TTC27: variants seen among roughly 807,000 people sequenced by gnomAD.
TTC27 encodes the protein tetratricopeptide repeat domain 27, also known as tetratricopeptide repeat protein 27.
TTC27 carries 79 observed loss-of-function variants against 115.9 expected under a neutral mutation model. The ratio of observed to expected loss-of-function variants is 0.68; its 90% CI spans 0.57 to 0.82. The LOEUF (loss-of-function observed/expected upper bound fraction) is 0.82. Among genes scored for constraint, TTC27 ranks in the 40% least tolerant of loss-of-function variants. The pLI is 0.00. For missense variants in TTC27, 1,054 were observed against 993.1 expected (o/e 1.06, Z -0.82); for synonymous variants, 401 against 356.0 (o/e 1.13, Z -1.42).
intron 1 of TTC27, among the ~76,000 whole-genome samples, chr2:32,628,773 A>G (rs1049827855): frequency 6.9e-6 from 1 of 143,950 alleles, no homozygotes; most frequent in Non-Finnish European, 1.5e-5. Context: ...TTATTTATTT[A>G]TTTATTGAGA....
chr2:32,730,401 C>G (rs1668253148), intron 10 of TTC27, among the ~76,000 whole-genome samples: 1 of 152,118 alleles, frequency 6.6e-6, no homozygotes, highest in Admixed American at 6.5e-5. Flanking sequence ...CACTGATTTT[C>G]TTCCATTTAT....
chr2:32,750,605 C>G (rs1482021749), intron 12 of TTC27, among the ~76,000 whole-genome samples: 1 of 152,178 alleles, frequency 6.6e-6, no homozygotes, highest in African/African-American at 2.4e-5. Context: ...TAGCAACGTA[C>G]TAGCAGGTAC....
At chr2:32,674,528 G>GT (rs1323252201) in intron 8 of TTC27, among the ~76,000 whole-genome samples, 1 of 152,134 alleles carries the variant, frequency 6.6e-6, no homozygotes, top group Non-Finnish European at 1.5e-5. Context: ...ATATGCAATA[G>GT]TAAGTTTTCT....
intron 7 of TTC27, among the ~76,000 whole-genome samples, chr2:32,669,527 C>G (rs1235944885): frequency 6.6e-6 from 1 of 152,032 alleles, no homozygotes; most frequent in Non-Finnish European, 1.5e-5. Context: ...AACCATTTTT[C>G]AGGAAAAGGA....
chr2:32,653,773 C>T (rs933736914), intron 5 of TTC27, among the ~76,000 whole-genome samples: 3 of 152,058 alleles, frequency 2.0e-5, no homozygotes, highest in Non-Finnish European at 2.9e-5. Flanking sequence ...TAAATAATCT[C>T]GTGAGAAGAG....
At position 32,641,747 on chromosome 2, in the gene TTC27, C is replaced by T. The variant is rs536017660; in HGVS notation, c.537+1337C>T. 7.3e-5 allele frequency among the ~76,000 whole-genome samples: 11 copies of T among 151,522 alleles called. No homozygotes were observed. The South Asian group carries it at 8.3e-4, about 11-fold the overall frequency. On this transcript the variant is annotated intron_variant, in intron 4 of 19. Coordinates refer to ENST00000317907, the MANE Select transcript of TTC27 (RefSeq NM_017735.5). ...AGGCTGGAGTGCAATGGCGCGATCT[C>T]GGCTCACCACAACCTCCACCTCCTG...
chr2:32,801,907 C>G (rs533328259), intron 16 of TTC27, among the ~76,000 whole-genome samples: 1 of 152,290 alleles, frequency 6.6e-6, no homozygotes, highest in South Asian at 2.1e-4. Context: ...GAGACAAAAA[C>G]TTAGTCATAT....
intron 9 of TTC27, among the ~76,000 whole-genome samples, chr2:32,698,492 T>A (rs1667071101): frequency 6.8e-6 from 1 of 146,098 alleles, no homozygotes; most frequent in African/African-American, 2.5e-5. Context: ...CTTTTTTTTT[T>A]TTTTTGAGAT....
chr2:32,819,838 CT>C (rs1251803992), intron 19 of TTC27, among the ~76,000 whole-genome samples: 1 of 152,182 alleles, frequency 6.6e-6, no homozygotes, highest in Non-Finnish European at 1.5e-5. Context: ...AAATTATTCA[CT>C]TTTTTCTAAG....
intron 10 of TTC27, among the ~76,000 whole-genome samples, chr2:32,706,457 T>G (rs757409763): frequency 5.3e-5 from 8 of 152,136 alleles, no homozygotes; most frequent in Non-Finnish European, 1.0e-4. Flanking sequence ...TATTTGTTGC[T>G]GTATTAAAAA....
intron 9 of TTC27, among the ~76,000 whole-genome samples, chr2:32,696,595 A>G (rs540902462): frequency 6.6e-6 from 1 of 152,252 alleles, no homozygotes; most frequent in South Asian, 2.1e-4. Flanking sequence ...CGCCCAGCCT[A>G]TACCACATTT....
chr2:32,760,847 A>T (rs1366717475), intron 13 of TTC27, among the ~76,000 whole-genome samples: 2 of 152,158 alleles, frequency 1.3e-5, no homozygotes, highest in Admixed American at 1.3e-4. Context: ...TTCTCAACAC[A>T]TCAGCATTAT....
intron 13 of TTC27, among the ~76,000 whole-genome samples, chr2:32,764,637 T>C (rs1308172679): frequency 1.3e-5 from 2 of 152,204 alleles, no homozygotes; most frequent in East Asian, 3.8e-4. Flanking sequence ...CTTCCTTTCA[T>C]GCCAGATTTC....
intron 18 of TTC27, among the ~76,000 whole-genome samples, chr2:32,815,686 C>G (rs1426752237): frequency 2.6e-5 from 4 of 152,106 alleles, no homozygotes; most frequent in Non-Finnish European, 4.4e-5. Context: ...AAAAGAAATA[C>G]AGCAGTTTCT....
chr2:32,782,304 C>CT (rs1000319365), intron 14 of TTC27, among the ~76,000 whole-genome samples: 3 of 151,956 alleles, frequency 2.0e-5, no homozygotes, highest in Admixed American at 2.0e-4. Context: ...ACTGCATTGC[C>CT]TTTTTTGTAA....
Position 32,646,958 on chromosome 2 carries a change from G to GT in TTC27, c.538-3164dup, listed in dbSNP as rs1220552424. Among the ~76,000 whole-genome samples, 276 of 147,342 alleles carry GT rather than the reference G, an allele frequency of 1.9e-3. 1 individual carries two copies. The highest frequency in any genetic ancestry group is 6.3e-3 in the African/African-American group (254 of 40,226). On this transcript the variant is annotated intron_variant, in intron 4 of 19. Coordinates refer to ENST00000317907, the MANE Select transcript of TTC27 (RefSeq NM_017735.5). ...TTTTTGAGAGTTCAGCATATTATAT[G>GT]TTTTTTTTTGTTTGTTTTTTGTTTT...
chr2:32,660,321 G>C (rs34430257), intron 5 of TTC27, among the ~76,000 whole-genome samples: 1 of 152,052 alleles, frequency 6.6e-6, no homozygotes, highest in African/African-American at 2.4e-5. Flanking sequence ...CTTTTGTTGA[G>C]AAATGTCTGC....
chr2:32,820,751 T>A, intron 19 of TTC27, 65 bp from the exon 20 acceptor site: 1 of 1,428,306 alleles, frequency 7.0e-7, no homozygotes, highest in Non-Finnish European at 9.3e-7. Context: ...CTATACTCTG[T>A]ATCTATTTTA....
In TTC27 at chr2:32,690,715, C is replaced by T. The variant is rs531460795; in HGVS notation, c.1119+11793C>T. On this transcript the variant is annotated intron_variant, in intron 9 of 19. Transcript: ENST00000317907. ...AGATTTGAAAAAGTTTTTAAATGAC[C>T]TACCTAGCAAGGATAGGGGATTTGG... 9.2e-5 allele frequency among the ~76,000 whole-genome samples: 14 copies of T among 152,290 alleles called. No individual in the cohort carries two copies. The East Asian group carries it at 2.3e-3, about 25-fold the overall frequency.
Sources: gnomAD v4.1 joint callset for allele counts (sites outside exome capture counted in the v4.1 genomes callset) on GRCh38, gnomAD v4.1.1 for gene constraint, MANE v1.5 for transcripts, NCBI Gene and HGNC (gene_info 2026-07-23, HGNC 2026-07-21) for gene names.